The following GALNT13 variants were observed in gnomAD, a reference collection of about 807,000 sequenced individuals.
GALNT13 encodes the protein polypeptide N-acetylgalactosaminyltransferase 13, also known as UDP-GalNAc:polypeptide N-acetylgalactosaminyltransferase 13.
Under a neutral mutation model 64.2 loss-of-function variants are expected in GALNT13, and 28 were observed. The ratio of observed to expected loss-of-function variants is 0.44; its 90% CI spans 0.32 to 0.60. GALNT13 has a LOEUF of 0.60. Ranked by LOEUF, GALNT13 falls within the 20% of genes least tolerant of loss-of-function variation. The probability of loss-of-function intolerance (pLI) is 0.05; values close to 1 mark genes in which losing one functional copy is unlikely to be tolerated. For missense variants in GALNT13, 577 were observed against 669.8 expected (o/e 0.86, Z 1.53); for synonymous variants, 214 against 224.6 (o/e 0.95, Z 0.42).
chr2:153,249,149 AG>A, the GALNT13 span, among the ~76,000 whole-genome samples: 1 of 152,374 alleles, frequency 6.6e-6, no homozygotes, highest in Non-Finnish European at 1.5e-5. Context: ...TCAGCCCAAA[AG>A]CTTCTTAACC....
chr2:154,361,359 A>T (rs1336373190), intron 9 of GALNT13, among the ~76,000 whole-genome samples: 3 of 152,094 alleles, frequency 2.0e-5, no homozygotes, highest in Non-Finnish European at 4.4e-5. Flanking sequence ...AGTATGTAAC[A>T]TTGGCTAAGT....
chr2:153,080,228 T>C, the GALNT13 span, among the ~76,000 whole-genome samples: 1 of 152,212 alleles, frequency 6.6e-6, no homozygotes, highest in African/African-American at 2.4e-5. Flanking sequence ...AGATTTTATC[T>C]TACCCCTTTT....
At chr2:154,109,784 G>C (rs376921750) in intron 3 of GALNT13, among the ~76,000 whole-genome samples, 1 of 151,814 alleles carries the variant, frequency 6.6e-6, no homozygotes, top group Non-Finnish European at 1.5e-5. Context: ...ATGTGTGTGG[G>C]CTGAACCATC....
chr2:153,888,479 C>T (rs2105261175), intron 1 of GALNT13, among the ~76,000 whole-genome samples: 1 of 151,752 alleles, frequency 6.6e-6, no homozygotes, highest in Non-Finnish European at 1.5e-5. Context: ...TTTTTAAAAC[C>T]TATTAGAACT....
chr2:153,841,434 G>A, the GALNT13 span, among the ~76,000 whole-genome samples: 2 of 152,054 alleles, frequency 1.3e-5, no homozygotes, highest in African/African-American at 2.4e-5. Context: ...TAAGCACTTT[G>A]GGTAAAGTTG....
the GALNT13 span, among the ~76,000 whole-genome samples, chr2:153,082,600 TATATATATATATATATATACAC>T: frequency 3.4e-4 from 16 of 46,510 alleles, no homozygotes; most frequent in African/African-American, 8.6e-4. Flanking sequence ...TATATATATA[TATATATATATATATATATACAC>T]ACACACACAC....
intron 9 of GALNT13, among the ~76,000 whole-genome samples, chr2:154,340,919 T>C (rs1245894489): frequency 1.3e-5 from 2 of 151,816 alleles, no homozygotes; most frequent in Admixed American, 1.3e-4. Flanking sequence ...TGTGTGTGTG[T>C]GTGCCAGTGC....
chr2:153,842,201 T>G, the GALNT13 span, among the ~76,000 whole-genome samples: 1 of 152,100 alleles, frequency 6.6e-6, no homozygotes, highest in Non-Finnish European at 1.5e-5. Flanking sequence ...CAGAATATGA[T>G]GAAAAGGAAG....
intron 3 of GALNT13, among the ~76,000 whole-genome samples, chr2:153,988,634 G>A (rs1321118101): frequency 2.6e-5 from 4 of 151,906 alleles, no homozygotes; most frequent in Admixed American, 1.3e-4. Flanking sequence ...TTGGAATAAA[G>A]CATTGACGGT....
rs1195875137 is a variant in GALNT13, at chr2:154,225,195, TACAG to T, written c.312-16833_312-16830del. Reference sequence around the variant, plus strand: ...ATAGATAGATAGATAGATAGATAGATACAGAGACTGAGAGACTGAGAGAAAATTG... The same window carrying T: ...ATAGATAGATAGATAGATAGATAGATAGACTGAGAGACTGAGAGAAAATTG... On this transcript the variant is annotated intron_variant, in intron 4 of 12. Transcript: ENST00000392825. Among the ~76,000 whole-genome samples the T allele has an allele frequency of 4.7e-5, 7 of 147,702 alleles. No individual in the cohort carries two copies. The East Asian group carries it at 8.2e-4, about 17-fold the overall frequency.
intron 9 of GALNT13, among the ~76,000 whole-genome samples, chr2:154,380,760 G>C (rs1698228394): frequency 6.6e-6 from 1 of 152,014 alleles, no homozygotes; most frequent in Admixed American, 6.6e-5. Context: ...TGGGGCCTCT[G>C]CTTCAGGGTC....
chr2:153,742,496 A>G, the GALNT13 span, among the ~76,000 whole-genome samples: 1 of 152,100 alleles, frequency 6.6e-6, no homozygotes, highest in Non-Finnish European at 1.5e-5. Flanking sequence ...ATGGTTTTGC[A>G]GTATGGTTTG....
chr2:153,570,898 C>A, the GALNT13 span, among the ~76,000 whole-genome samples: 17 of 151,658 alleles, frequency 1.1e-4, no homozygotes, highest in Admixed American at 7.9e-4. Flanking sequence ...TGCCATTCCT[C>A]CAGTTTCGTT....
At chr2:153,621,387 G>T in the GALNT13 span, among the ~76,000 whole-genome samples, 1 of 151,980 alleles carries the variant, frequency 6.6e-6, no homozygotes, top group African/African-American at 2.4e-5. Context: ...TGACTGTATT[G>T]GGTCAGATCT....
chr2:153,987,295 C>G (rs1694863878), intron 3 of GALNT13, among the ~76,000 whole-genome samples: 2 of 151,716 alleles, frequency 1.3e-5, no homozygotes, highest in Admixed American at 6.6e-5. Context: ...TTGTGAAACT[C>G]AAGTTCGTTG....
At chr2:153,894,875 A>G (rs906448414) in intron 1 of GALNT13, among the ~76,000 whole-genome samples, 9 of 152,130 alleles carry the variant, frequency 5.9e-5, no homozygotes, top group African/African-American at 2.2e-4. Flanking sequence ...GTTCTGATCA[A>G]CCAGCAAAGA....
intron 3 of GALNT13, among the ~76,000 whole-genome samples, chr2:154,088,327 T>A (rs574785106): frequency 4.6e-5 from 7 of 152,312 alleles, no homozygotes; most frequent in African/African-American, 7.2e-5. Context: ...TGTTCATTAA[T>A]CCTACTTAAA....
the GALNT13 span, among the ~76,000 whole-genome samples, chr2:153,517,304 A>C: frequency 6.6e-6 from 1 of 152,180 alleles, no homozygotes; most frequent in South Asian, 2.1e-4. Context: ...ATAGACCCTG[A>C]GTGTTTTCAA....
chr2:154,224,167 G>T (rs944008235), intron 4 of GALNT13, among the ~76,000 whole-genome samples: 1 of 152,014 alleles, frequency 6.6e-6, no homozygotes, highest in South Asian at 2.1e-4. Flanking sequence ...AAGCAAATAA[G>T]TCGTTGATTC....
Sources: allele counts gnomAD v4.1 joint callset (sites outside exome capture counted in the v4.1 genomes callset), GRCh38; gene constraint gnomAD v4.1.1; transcripts MANE v1.5; gene names NCBI Gene and HGNC (gene_info 2026-07-23, HGNC 2026-07-21).